TRPM4: variants seen among roughly 807,000 people sequenced by gnomAD.
TRPM4 encodes the protein calcium-activated non-selective cation channel 1.
Under a neutral mutation model 135.6 loss-of-function variants are expected in TRPM4, and 124 were observed. The observed-to-expected ratio is 0.91, with a 90% CI of 0.79 to 1.06. TRPM4 has a LOEUF of 1.06. TRPM4 is among the 50% of genes least tolerant of loss of function. The pLI, the probability that TRPM4 is intolerant of heterozygous loss-of-function variation, is 0.00. For missense variants in TRPM4, 1,658 were observed against 1,671.4 expected, an observed-to-expected ratio of 0.99 and a Z score of 0.14; for synonymous variants, 745 against 705.6, an observed-to-expected ratio of 1.06 and a Z score of -0.88.
chr19:49,180,360 C>T (rs753400035), intron 9 of TRPM4, among the ~76,000 whole-genome samples: 2 of 150,962 alleles, frequency 1.3e-5, no homozygotes, highest in Non-Finnish European at 3.0e-5. Flanking sequence ...CTGCTGTTGT[C>T]ACCTCTTTCC....
At chr19:49,180,542 A>T (rs1309721242) in intron 9 of TRPM4, among the ~76,000 whole-genome samples, 1 of 151,150 alleles carries the variant, frequency 6.6e-6, no homozygotes, top group Non-Finnish European at 1.5e-5. Flanking sequence ...CCTTAGGGGC[A>T]TACCTCCCAG....
chr19:49,168,509 G>T, intron 5 of TRPM4, 44 bp from the exon 6 acceptor site: 1 of 1,613,692 alleles, frequency 6.2e-7, no homozygotes, highest in Non-Finnish European at 8.5e-7. Flanking sequence ...TTGTCCTTCT[G>T]GCCCCGATGA....
Position 49,188,770 on chromosome 19 carries a change from G to A in TRPM4, c.1873G>A (p.Asp625Asn). ...GTTCAAGTTTGAGGGGATGGGCGTT[G>A]GTGCGTGGGGCACGGTGCCTGGGAG... ...LAFKFEGMGV[D>N]LFGECYRSSE... is the part of the protein sequence containing the mutation. Residue 625 changes from aspartate to asparagine, a missense_variant and splice_region_variant, in exon 13 of 25, where the codon GAC (aspartate) becomes AAC (asparagine). Asp to Asn is a conservative substitution (Grantham distance 23). Transcript: ENST00000252826. 1.2e-6 allele frequency: 2 copies of A among 1,614,060 alleles called. No individual in the cohort carries two copies. Among genetic ancestry groups the A allele is most frequent in the Non-Finnish European group, 1.7e-6 (2 of 1,179,982 alleles).
chr19:49,175,367 G>GCCCA, intron 9 of TRPM4, among the ~76,000 whole-genome samples: 1 of 151,950 alleles, frequency 6.6e-6, no homozygotes, highest in African/African-American at 2.4e-5. Context: ...GAGCCACTGT[G>GCCCA]CCCAGCCTTT....
Position 49,203,218 on chromosome 19 carries a change from C to T in TRPM4, c.3131+1077C>T, listed in dbSNP as rs181959209. Among the ~76,000 whole-genome samples the T allele has an allele frequency of 2.4e-3, 366 of 150,310 alleles. 1 individual carries two copies. The highest frequency in any genetic ancestry group is 8.1e-3 in the African/African-American group (329 of 40,804). On this transcript the variant is annotated intron_variant, in intron 20 of 24. Transcript: ENST00000252826. ...TTTTTGAGATGGAGTCTCGCTCTGT[C>T]GCCCAGGCTGGAGTGCAATGGTGCA...
chr19:49,208,394 G>A (rs556638087), intron 20 of TRPM4, among the ~76,000 whole-genome samples: 2 of 152,136 alleles, frequency 1.3e-5, no homozygotes, highest in African/African-American at 2.4e-5. Context: ...TGGCACTGAC[G>A]CTACCTCTAG....
chr19:49,207,936 T>A (rs2145989831), intron 20 of TRPM4, among the ~76,000 whole-genome samples: 1 of 151,946 alleles, frequency 6.6e-6, no homozygotes, highest in South Asian at 2.1e-4. Flanking sequence ...TGCGCTGTTA[T>A]TTATTGGATA....
At position 49,210,228 on chromosome 19, in the gene TRPM4, C is replaced by T. The variant is rs375660294; in HGVS notation, c.3151C>T (p.Gln1051Ter). The T allele has an allele frequency of 5.6e-6, 9 of 1,614,134 alleles. No homozygotes were observed. Among genetic ancestry groups the T allele is most frequent in the Non-Finnish European group, 7.6e-6 (9 of 1,180,054 alleles). Residue 1051 changes from glutamine (Q) to a stop codon, truncating the protein, a stop_gained, in exon 21 of 25, where the codon CAG becomes TAG. Transcript: ENST00000252826. LOFTEE classifies it high-confidence loss of function. The surrounding 1 kb of genome is among the most constrained non-coding windows in gnomAD (Gnocchi z 4.1). ...AMFSYTFGKV[Q>*]GNSDLYWKAQ... ...TTGCAGTTACACATTCGGCAAAGTA[C>T]AGGGCAACAGCGATCTCTACTGGAA...
At chr19:49,189,224 CTCTT>C in intron 14 of TRPM4, 133 bp downstream of exon 14, 1 of 1,334,734 alleles carries the variant, frequency 7.5e-7, no homozygotes, top group South Asian at 1.2e-5. Context: ...CAGAAAGTCT[CTCTT>C]CTCTCTCAGA....
intron 12 of TRPM4, among the ~76,000 whole-genome samples, chr19:49,183,985 TCTC>T (rs1968102878): frequency 6.6e-6 from 1 of 151,948 alleles, no homozygotes; most frequent in African/African-American, 2.4e-5. Flanking sequence ...GTGGTCTTGA[TCTC>T]CTGACCTTGT....
chr19:49,171,858 G>T lies in TRPM4; in HGVS notation c.1050+89G>T. On this transcript the variant is annotated intron_variant, in intron 8 of 24. Transcript: ENST00000252826. This position sits in a 1 kb window ranked among gnomAD's most constrained non-coding sequence, Gnocchi z 4.7. Reference sequence around the variant, plus strand: ...GGGTCTGAGGGAGGAGGGGCTGGGGGCCTGGACTTCCAGGTTCCGGGAGAA... The same window carrying T: ...GGGTCTGAGGGAGGAGGGGCTGGGGTCCTGGACTTCCAGGTTCCGGGAGAA... The T allele has an allele frequency of 2.0e-6, 3 of 1,474,710 alleles. No individual in the cohort carries two copies. Among genetic ancestry groups the T allele is most frequent in the Non-Finnish European group, 9.4e-7 (1 of 1,068,004 alleles). The allele number at this position is 1,474,710 out of a possible 1,614,324, so 91.4% of individuals were successfully genotyped here. A position where few individuals can be genotyped will look rare whatever the true frequency, so the allele number is the denominator to read the frequency against.
chr19:49,199,455 T>A (rs555856219), intron 17 of TRPM4, among the ~76,000 whole-genome samples: 37 of 152,126 alleles, frequency 2.4e-4, no homozygotes, highest in Non-Finnish European at 4.9e-4. Context: ...GAGACGGGGT[T>A]TCACCGTGTT....
At chr19:49,207,521 T>C (rs1461807068) in intron 20 of TRPM4, among the ~76,000 whole-genome samples, 1 of 148,248 alleles carries the variant, frequency 6.7e-6, no homozygotes, top group Non-Finnish European at 1.5e-5. Flanking sequence ...TCCCAGCTAC[T>C]CAAGAGGCTG....
rs1171988660 is a variant in TRPM4 at position 49,158,178 on chromosome 19, G to C, written c.25-14G>C. The stretch of plus-strand genomic sequence containing the variant: ...TCACCCCACTTCCACCCCTACATTT[G>C]TTCCTGTCCCCAGAGCTGGATCCCC... On this transcript the variant is annotated splice_polypyrimidine_tract_variant and intron_variant, in intron 1 of 24. Coordinates refer to ENST00000252826, the MANE Select transcript of TRPM4 (RefSeq NM_017636.4). 6.2e-7 allele frequency: 1 copy of C among 1,613,438 alleles called. No homozygotes were observed. The highest frequency in any genetic ancestry group is 1.3e-5 in the African/African-American group (1 of 74,850).
At chr19:49,183,851 G>A (rs796373089) in intron 12 of TRPM4, among the ~76,000 whole-genome samples, 31 of 148,678 alleles carry the variant, frequency 2.1e-4, no homozygotes, top group African/African-American at 7.4e-4. Flanking sequence ...TCGGCTCACT[G>A]CAAGCTCCAC....
At chr19:49,188,831 A>G in intron 13 of TRPM4, 61 bp downstream of exon 13, 2 of 1,612,470 alleles carry the variant, frequency 1.2e-6, no homozygotes, top group Non-Finnish European at 1.7e-6. Context: ...GGGATGTGCA[A>G]CTCCGCACTC....
In TRPM4 at chr19:49,171,940, C is replaced by T. The variant is rs979564430; in HGVS notation, c.1051-69C>T. On this transcript the variant is annotated intron_variant, in intron 8 of 24. Coordinates refer to ENST00000252826, the MANE Select transcript of TRPM4 (RefSeq NM_017636.4). The surrounding 1 kb of genome is among the most constrained non-coding windows in gnomAD (Gnocchi z 4.7). ...TGGAGGGGAATGGCCTCCTCCATCCCTTTGGACAGGGCCCAACAGGAGTTG... is the reference window on the plus strand; with the variant it reads ...TGGAGGGGAATGGCCTCCTCCATCCTTTTGGACAGGGCCCAACAGGAGTTG... 3.2e-5 allele frequency: 47 copies of T among 1,460,930 alleles called. No individual in the cohort carries two copies. The highest frequency in any genetic ancestry group is 4.1e-5 in the Non-Finnish European group (43 of 1,041,386). 90.5% of individuals were successfully genotyped at this position (1,460,930 alleles called of 1,614,324 possible). A position where few individuals can be genotyped will look rare whatever the true frequency, so the allele number is the denominator to read the frequency against.
intron 12 of TRPM4, 33 bp from the exon 13 acceptor site, chr19:49,188,608 T>C (rs770939409): frequency 6.2e-6 from 10 of 1,614,144 alleles, no homozygotes; most frequent in Non-Finnish European, 7.6e-6. Context: ...ATGAACCCTC[T>C]TTGACGCATC....
rs1969326504 is a variant in TRPM4 at position 49,210,742 on chromosome 19, CTGCTA to C, written c.3362_3366del (p.Leu1121HisfsTer7). 1 of 1,614,070 alleles carries C rather than the reference CTGCTA, an allele frequency of 6.2e-7. No homozygotes were observed. The highest frequency in any genetic ancestry group is 8.5e-7 in the Non-Finnish European group (1 of 1,180,048). On this transcript the variant is annotated frameshift_variant, in exon 22 of 25. Coordinates refer to ENST00000252826, the MANE Select transcript of TRPM4 (RefSeq NM_017636.4). LOFTEE classifies it high-confidence loss of function. The surrounding 1 kb of genome is among the most constrained non-coding windows in gnomAD (Gnocchi z 4.1). ...CCTTTCTAAGGAAGCCGAGCGGAAG[CTGCTA>C]ACGTGGGAATCGGTGCATAAGGAGA...
Sources: allele counts gnomAD v4.1 joint callset (sites outside exome capture counted in the v4.1 genomes callset), GRCh38; gene constraint gnomAD v4.1.1; non-coding constraint Gnocchi (gnomAD v3.1); transcripts MANE v1.5; gene names NCBI Gene and HGNC (gene_info 2026-07-23, HGNC 2026-07-21).